LINGO2: variants seen among roughly 807,000 people sequenced by gnomAD.
LINGO2 encodes the protein leucine rich repeat and Ig domain containing 2.
Under a neutral mutation model 30.6 loss-of-function variants are expected in LINGO2, and 14 were observed. That is an observed-to-expected ratio of 0.46 (90% CI 0.30 to 0.72). The LOEUF is 0.72. Ranked by LOEUF, LINGO2 falls within the 30% of genes least tolerant of loss-of-function variation. The probability of loss-of-function intolerance (pLI) is 0.07; values close to 1 mark genes in which losing one functional copy is unlikely to be tolerated. For synonymous variants in LINGO2, 317 were observed against 288.5 expected (o/e 1.10, Z -1.00); for missense variants, 729 against 751.7 (o/e 0.97, Z 0.35).
rs1263292919 is a variant in LINGO2, at chr9:28,308,117, C to T, written c.-245-12751G>A. Among the ~76,000 whole-genome samples the T allele has an allele frequency of 5.5e-4, 73 of 133,642 alleles. 1 individual carries two copies. Among genetic ancestry groups the T allele is most frequent in the African/African-American group, 1.6e-3 (61 of 39,306 alleles). 87.7% of individuals were successfully genotyped at this position (133,642 alleles called of 152,430 possible). On this transcript the variant is annotated intron_variant, in intron 3 of 5. Coordinates refer to ENST00000379992, the Ensembl canonical transcript of LINGO2. ...TATGGAACCAAAAAAGAGCCCTCAT[C>T]GCCAAGTCAATCCTAAGCCAAAAGA...
chr9:28,221,097 A>G, intron 4 of LINGO2, among the ~76,000 whole-genome samples: 1 of 152,068 alleles, frequency 6.6e-6, no homozygotes, highest in East Asian at 1.9e-4. Flanking sequence ...CAGGAGATCG[A>G]AACCATCCTC....
chr9:28,479,906 C>T (rs10124798), intron 1 of LINGO2, among the ~76,000 whole-genome samples: 87,775 of 97,944 alleles, frequency 0.9, 38,937 homozygotes, highest in East Asian at 0.99. Flanking sequence ...TGTATATATA[C>T]GTAGGTATAT....
intron 4 of LINGO2, among the ~76,000 whole-genome samples, chr9:28,066,257 A>G (rs1254331469): frequency 6.6e-6 from 1 of 152,092 alleles, no homozygotes; most frequent in East Asian, 1.9e-4. Context: ...CTCACAATAC[A>G]TCTGTGATCA....
chr9:28,034,391 G>C (rs931864446), intron 4 of LINGO2, among the ~76,000 whole-genome samples: 2 of 152,142 alleles, frequency 1.3e-5, no homozygotes, highest in Non-Finnish European at 2.9e-5. Context: ...TCTCTTGCTA[G>C]GGAGCATTTT....
At chr9:28,104,265 T>TTTTTC (rs1563976894) in intron 4 of LINGO2, among the ~76,000 whole-genome samples, 25 of 105,664 alleles carry the variant, frequency 2.4e-4, no homozygotes, top group Non-Finnish European at 3.9e-4. Flanking sequence ...GTTTTTTGTT[T>TTTTTC]GTTTTTTTTT....
chr9:28,958,806 G>C, the LINGO2 span, among the ~76,000 whole-genome samples: 1 of 152,096 alleles, frequency 6.6e-6, no homozygotes, highest in Admixed American at 6.6e-5. Flanking sequence ...CTGAGAGAAA[G>C]AGAGGTTGGC....
chr9:28,488,057 C>T (rs1295281626), intron 1 of LINGO2, among the ~76,000 whole-genome samples: 1 of 152,144 alleles, frequency 6.6e-6, no homozygotes, highest in East Asian at 1.9e-4. Flanking sequence ...AATATATACA[C>T]ATTCTTTCTT....
chr9:28,773,238 G>T, the LINGO2 span, among the ~76,000 whole-genome samples: 1 of 151,706 alleles, frequency 6.6e-6, no homozygotes, highest in Admixed American at 6.6e-5. Context: ...AGTGGCGGGC[G>T]CCTGTAGTCG....
chr9:28,534,027 G>A (rs181173954), intron 1 of LINGO2, among the ~76,000 whole-genome samples: 1 of 152,154 alleles, frequency 6.6e-6, no homozygotes, highest in Non-Finnish European at 1.5e-5. Context: ...TAATAGAAAA[G>A]TATGAACCAA....
At chr9:28,064,409 C>G (rs1393329962) in intron 4 of LINGO2, among the ~76,000 whole-genome samples, 1 of 152,118 alleles carries the variant, frequency 6.6e-6, no homozygotes, top group East Asian at 1.9e-4. Flanking sequence ...TGGGACGAAG[C>G]CAGGCAGGTC....
chr9:27,991,527 C>G (rs768710523), intron 5 of LINGO2, among the ~76,000 whole-genome samples: 1 of 152,008 alleles, frequency 6.6e-6, no homozygotes, highest in African/African-American at 2.4e-5. Flanking sequence ...AGATGCTAGG[C>G]GTCAAGGCAT....
the LINGO2 span, among the ~76,000 whole-genome samples, chr9:29,199,200 T>C: frequency 6.6e-6 from 1 of 152,014 alleles, no homozygotes; most frequent in Non-Finnish European, 1.5e-5. Flanking sequence ...GAGACTCCCA[T>C]CCCAGTTCAG....
the LINGO2 span, among the ~76,000 whole-genome samples, chr9:28,910,261 C>T: frequency 6.6e-6 from 1 of 151,930 alleles, no homozygotes; most frequent in African/African-American, 2.4e-5. Flanking sequence ...TTATGTTAAA[C>T]TACACATAGC....
intron 1 of LINGO2, among the ~76,000 whole-genome samples, chr9:28,540,166 T>C (rs1821613797): frequency 6.6e-6 from 1 of 152,044 alleles, no homozygotes; most frequent in South Asian, 2.1e-4. Context: ...TCTATAACCA[T>C]CATGGAAGGC....
intron 1 of LINGO2, among the ~76,000 whole-genome samples, chr9:28,577,006 G>A (rs558479768): frequency 6.6e-6 from 1 of 152,214 alleles, no homozygotes; most frequent in South Asian, 2.1e-4. Context: ...ACTCCATCTT[G>A]CCTTTAACCC....
chr9:28,223,005 T>C (rs1477687158), intron 4 of LINGO2, among the ~76,000 whole-genome samples: 1 of 152,096 alleles, frequency 6.6e-6, no homozygotes, highest in Non-Finnish European at 1.5e-5. Context: ...CAGTCATGAC[T>C]TGAAAAGGAG....
At chr9:28,293,882 G>A (rs999528749) in intron 4 of LINGO2, among the ~76,000 whole-genome samples, 28 of 152,096 alleles carry the variant, frequency 1.8e-4, no homozygotes, top group African/African-American at 2.7e-4. Flanking sequence ...CATAGAACTC[G>A]GTTTCACTTT....
At chr9:28,651,856 G>A (rs945971000) in intron 1 of LINGO2, among the ~76,000 whole-genome samples, 10 of 151,928 alleles carry the variant, frequency 6.6e-5, no homozygotes, top group African/African-American at 2.4e-4. Flanking sequence ...TCCAACCTCC[G>A]ACAATTCATC....
At chr9:28,881,166 C>T in the LINGO2 span, among the ~76,000 whole-genome samples, 1 of 152,118 alleles carries the variant, frequency 6.6e-6, no homozygotes, top group African/African-American at 2.4e-5. Context: ...TCTCTCATCC[C>T]ACCCGACTAG....
Sources: gnomAD v4.1 joint callset for allele counts (sites outside exome capture counted in the v4.1 genomes callset) on GRCh38, gnomAD v4.1.1 for gene constraint, MANE v1.5 for transcripts, NCBI Gene and HGNC (gene_info 2026-07-23, HGNC 2026-07-21) for gene names.